The following RNF149 variants were observed in gnomAD, a reference collection of about 807,000 sequenced individuals.
RNF149 encodes E3 ubiquitin-protein ligase RNF149.
In RNF149, 21 loss-of-function variants were observed where a neutral mutation model predicts 39.0. That is an observed-to-expected ratio of 0.54 (90% CI 0.38 to 0.77). The LOEUF (loss-of-function observed/expected upper bound fraction) is 0.77. RNF149 is among the 30% of genes least tolerant of loss of function. The probability of loss-of-function intolerance (pLI) is 0.00; values close to 1 mark genes in which losing one functional copy is unlikely to be tolerated. For synonymous variants in RNF149, 209 were observed against 213.6 expected (o/e 0.98, Z 0.19); for missense variants, 493 against 534.9 (o/e 0.92, Z 0.77).
downstream of RNF149, among the ~76,000 whole-genome samples, chr2:101,275,472 C>T (rs796250542): frequency 6.3e-4 from 47 of 74,884 alleles, no homozygotes; most frequent in Middle Eastern, 0.01. Flanking sequence ...GACGGAGTCT[C>T]GCTCTGTCGC....
At chr2:101,274,561 G>A (rs976512636), downstream of RNF149, among the ~76,000 whole-genome samples, 16 of 152,202 alleles carry the variant, frequency 1.1e-4, no homozygotes, top group Non-Finnish European at 2.9e-5. Context: ...GATTAGATGA[G>A]CAGTCACTTC....
intron 1 of RNF149, 104 bp from the exon 2 acceptor site, chr2:101,295,285 A>T: frequency 1.1e-6 from 1 of 949,460 alleles, no homozygotes; most frequent in Admixed American, 2.9e-5. Context: ...ATATAAATAC[A>T]TTAGAAAAAT....
intron 3 of RNF149, among the ~76,000 whole-genome samples, chr2:101,291,190 C>T (rs773244001): frequency 1.4e-4 from 21 of 151,538 alleles, no homozygotes; most frequent in Non-Finnish European, 1.5e-4. Context: ...CTCGCTCTGT[C>T]GCCAGGCTGG....
At chr2:101,274,952 A>G (rs1197952287), downstream of RNF149, among the ~76,000 whole-genome samples, 1 of 149,004 alleles carries the variant, frequency 6.7e-6, no homozygotes, top group Admixed American at 6.7e-5. Flanking sequence ...ATGCCTGGCT[A>G]ATTTTGTATT....
downstream of RNF149, among the ~76,000 whole-genome samples, chr2:101,275,170 T>C (rs1321320887): frequency 1.4e-3 from 172 of 121,792 alleles, 1 homozygote; most frequent in South Asian, 6.4e-3. Context: ...CAGGCTGGAG[T>C]GCAGTAGCGC....
At chr2:101,290,060 G>T (rs1286655179) in intron 3 of RNF149, among the ~76,000 whole-genome samples, 3 of 152,044 alleles carry the variant, frequency 2.0e-5, no homozygotes, top group African/African-American at 7.2e-5. Flanking sequence ...TGTGCCTGTA[G>T]TCCCAGCTAC....
downstream of RNF149, among the ~76,000 whole-genome samples, chr2:101,271,980 C>T (rs920116658): frequency 1.3e-5 from 2 of 152,158 alleles, no homozygotes; most frequent in Non-Finnish European, 2.9e-5. Context: ...TCACATGTCT[C>T]TTTTAAACAG....
chr2:101,298,896 T>C (rs543832127), intron 1 of RNF149, among the ~76,000 whole-genome samples: 1 of 152,198 alleles, frequency 6.6e-6, no homozygotes. Context: ...ACGCCTATAA[T>C]CCCAGCACTT....
intron 6 of RNF149, 114 bp from the exon 7 acceptor site, chr2:101,277,395 A>C: frequency 7.1e-7 from 1 of 1,403,922 alleles, no homozygotes; most frequent in African/African-American, 1.5e-5. Context: ...AACAGAAAAA[A>C]AAATTTTTTT....
chr2:101,306,429 G>A (rs1023347454), intron 1 of RNF149, among the ~76,000 whole-genome samples: 6 of 152,112 alleles, frequency 3.9e-5, no homozygotes, highest in Non-Finnish European at 8.8e-5. Context: ...CCTGGGTACC[G>A]TGACAATAGA....
chr2:101,294,947 G>C lies in RNF149; in HGVS notation c.695C>G (p.Ser232Cys). The change falls in exon 2 of 7, where the codon TCT becomes TGT. Residue 232 changes from serine (S) to cysteine (C), a missense_variant. Physicochemically the swap from Ser to Cys is moderately radical, Grantham distance 112 (BLOSUM62 -1). Transcript: ENST00000295317. ...CATCATTACCTGACTTCCAATCTGA[G>C]AGCCAGTATATAGGAAACGCTGTAT... ...YYIQRFLYTG[S>C]QIGSQSHRKE... is the part of the protein sequence containing the mutation. 1.9e-6 allele frequency: 3 copies of C among 1,611,756 alleles called. No homozygotes were observed. The highest frequency in any genetic ancestry group is 1.7e-4 in the Middle Eastern group (1 of 6,054).
chr2:101,307,346 C>T (rs1683705052), intron 1 of RNF149, among the ~76,000 whole-genome samples: 2 of 152,046 alleles, frequency 1.3e-5, no homozygotes, highest in Admixed American at 6.6e-5. Context: ...CACGTCCACG[C>T]GATTTTAAGA....
intron 6 of RNF149, among the ~76,000 whole-genome samples, chr2:101,279,008 CCA>C (rs1392986873): frequency 2.0e-5 from 3 of 152,296 alleles, no homozygotes; most frequent in East Asian, 1.9e-4. Context: ...ATAAGTGAAA[CCA>C]CAGTTTTTTC....
intron 1 of RNF149, among the ~76,000 whole-genome samples, chr2:101,307,443 T>G (rs1384640391): frequency 1.3e-5 from 2 of 152,328 alleles, no homozygotes; most frequent in African/African-American, 4.8e-5. Context: ...CCTCCCAAAG[T>G]GCTGGGATTA....
Position 101,275,874 on chromosome 2 carries a change from G to A in RNF149, c.*1364C>T, listed in dbSNP as rs1258718607. 5 of 985,070 alleles carry A rather than the reference G, an allele frequency of 5.1e-6. No homozygotes were observed. Among genetic ancestry groups the A allele is most frequent in the Non-Finnish European group, 6.0e-6 (5 of 829,646 alleles). The allele number at this position is 985,070 out of a possible 1,614,324, so 61.0% of individuals were successfully genotyped here. Reference sequence around the variant, plus strand: ...CTGTTATGGAAACCTACTTGAGGTTGTCTGCTAAAACCAACTCAGTGTGCA... The same window carrying A: ...CTGTTATGGAAACCTACTTGAGGTTATCTGCTAAAACCAACTCAGTGTGCA... On this transcript the variant is annotated 3_prime_UTR_variant, in exon 7 of 7. Coordinates refer to ENST00000295317, the MANE Select transcript of RNF149 (RefSeq NM_173647.4).
chr2:101,280,507 A>T (rs1027778283), intron 6 of RNF149, among the ~76,000 whole-genome samples: 1 of 152,174 alleles, frequency 6.6e-6, no homozygotes, highest in East Asian at 1.9e-4. Context: ...GTACAGGTCA[A>T]TATCTTTACA....
intron 5 of RNF149, among the ~76,000 whole-genome samples, chr2:101,285,601 C>T (rs1174629538): frequency 1.3e-5 from 2 of 152,176 alleles, no homozygotes; most frequent in African/African-American, 4.8e-5. Flanking sequence ...CTGTGACCAT[C>T]GGTGATGAAC....
intron 6 of RNF149, among the ~76,000 whole-genome samples, chr2:101,280,427 T>G (rs1386322299): frequency 1.3e-5 from 2 of 152,106 alleles, no homozygotes; most frequent in Non-Finnish European, 2.9e-5. Context: ...GTTTAAGATG[T>G]TTAAGATTTA....
At chr2:101,300,524 T>G (rs1683412723) in intron 1 of RNF149, among the ~76,000 whole-genome samples, 2 of 152,108 alleles carry the variant, frequency 1.3e-5, no homozygotes, top group African/African-American at 2.4e-5. Flanking sequence ...AAAAACTTCC[T>G]AGCATTAGCT....
Sources: allele counts gnomAD v4.1 joint callset (sites outside exome capture counted in the v4.1 genomes callset), GRCh38; gene constraint gnomAD v4.1.1; transcripts MANE v1.5; gene names NCBI Gene and HGNC (gene_info 2026-07-23, HGNC 2026-07-21).